The following RFX6 variants were observed in gnomAD, a reference collection of about 807,000 sequenced individuals.
The protein encoded by RFX6 is DNA-binding protein RFX6.
RFX6 carries 50 observed loss-of-function variants against 110.8 expected under a neutral mutation model. The observed-to-expected ratio is 0.45, with a 90% CI of 0.36 to 0.57. RFX6 has a LOEUF of 0.57. Ranked by LOEUF, RFX6 falls within the 20% of genes least tolerant of loss-of-function variation. The pLI is 0.00. For missense variants in RFX6, 990 were observed against 1,127.0 expected, an observed-to-expected ratio of 0.88 and a Z score of 1.74; for synonymous variants, 383 against 411.2, an observed-to-expected ratio of 0.93 and a Z score of 0.83.
chr6:116,919,359 G>A lies in RFX6; in HGVS notation c.1182+63G>A, dbSNP rs1775543520. 4 of 1,462,414 alleles carry A rather than the reference G, an allele frequency of 2.7e-6. No homozygotes were observed. The Admixed American group carries it at 5.0e-5, about 18-fold the overall frequency. 90.6% of individuals were successfully genotyped at this position (1,462,414 alleles called of 1,614,324 possible). On this transcript the variant is annotated intron_variant, in intron 11 of 18. Coordinates refer to ENST00000332958, the MANE Select transcript of RFX6 (RefSeq NM_173560.4). ...ATATAAAAAATGAATCTTCTGAGAA[G>A]GACAGATTGAGGAACTTTCATAGAT...
intron 6 of RFX6, among the ~76,000 whole-genome samples, chr6:116,909,717 T>A (rs1775290096): frequency 7.0e-6 from 1 of 142,428 alleles, no homozygotes; most frequent in African/African-American, 2.5e-5. Flanking sequence ...ATATTTTAAA[T>A]ATAAAGCTCA....
intron 11 of RFX6, 39 bp downstream of exon 11, chr6:116,919,335 T>C (rs1208483945): frequency 4.4e-6 from 7 of 1,576,624 alleles, no homozygotes; most frequent in Admixed American, 1.7e-5. Flanking sequence ...TGAGTCACCA[T>C]ATAAAAAATG....
intron 14 of RFX6, 76 bp from the exon 15 acceptor site, chr6:116,924,593 C>T: frequency 2.3e-6 from 3 of 1,283,418 alleles, no homozygotes; most frequent in Non-Finnish European, 3.4e-6. Flanking sequence ...ACTGACTTCT[C>T]TTTCCCTTTC....
At chr6:116,920,159 G>A in intron 11 of RFX6, 151 bp from the exon 12 acceptor site, 3 of 681,504 alleles carry the variant, frequency 4.4e-6, no homozygotes, top group Non-Finnish European at 7.9e-6. Context: ...AGATGATCAT[G>A]AGTCTCAGCT....
chr6:116,928,969 T>C lies in RFX6; in HGVS notation c.2609T>C (p.Leu870Pro), dbSNP rs753355176. ...CCAGTTGCATGTCGAACTCCAGTCC[T>C]AGGTAAATTATTTTAGCAGTTCTTG... ...SSPVACRTPV[L>P]ASSLQTPIPS... Residue 870 changes from leucine (L) to proline (P), a missense_variant and splice_region_variant, in exon 18 of 19, where the codon CTA becomes CCA. Around this residue, in one of 5 missense-constraint regions of RFX6, gnomAD observed 438 missense variants for 441.9 expected, o/e 0.99. Coordinates refer to ENST00000332958, the MANE Select transcript of RFX6 (RefSeq NM_173560.4). 6.3e-7 allele frequency: 1 copy of C among 1,591,628 alleles called. No individual in the cohort carries two copies. Among genetic ancestry groups the C allele is most frequent in the Non-Finnish European group, 8.6e-7 (1 of 1,159,480 alleles).
rs1467864126 is a variant in RFX6 at position 116,877,903 on chromosome 6, A to G, written c.331A>G (p.Thr111Ala). 2 of 1,614,082 alleles carry G rather than the reference A, an allele frequency of 1.2e-6. No homozygotes were observed. Among genetic ancestry groups the G allele is most frequent in the African/African-American group, 1.3e-5 (1 of 74,922 alleles). ...ATACCTGTCTCAGAAGAAAACCATC[A>G]CGCAGATTGTGAAGGATAAAAAGAA... ...DQYLSQKKTI[T>A]QIVKDKKKQT... The change falls in exon 2 of 19, where the codon ACG (threonine) becomes GCG (alanine). Residue 111 changes from threonine (T) to alanine (A), a missense_variant. Thr to Ala is a moderately conservative substitution (Grantham distance 58, BLOSUM62 0). Coordinates refer to ENST00000332958, the MANE Select transcript of RFX6 (RefSeq NM_173560.4).
chr6:116,923,348 C>A, intron 14 of RFX6, 124 bp downstream of exon 14: 1 of 719,074 alleles, frequency 1.4e-6, no homozygotes, highest in Non-Finnish European at 2.6e-6. Context: ...GAATATGGAG[C>A]TATGAGAAAA....
intron 6 of RFX6, among the ~76,000 whole-genome samples, chr6:116,902,168 T>C (rs1775089343): frequency 6.6e-6 from 1 of 152,040 alleles, no homozygotes. Context: ...AGGTAAATTT[T>C]TTAATGTTTG....
chr6:116,882,370 A>G lies in RFX6; in HGVS notation c.508A>G (p.Ile170Val), dbSNP rs780197436. The G allele has an allele frequency of 1.1e-5, 17 of 1,612,396 alleles. No homozygotes were observed. The highest frequency in any genetic ancestry group is 1.3e-5 in the Non-Finnish European group (15 of 1,178,686). Residue 170 changes from isoleucine to valine, a missense_variant, in exon 4 of 19, where the codon ATT (isoleucine) becomes GTT (valine). By Grantham distance (29) the Ile-to-Val change is conservative. This residue lies in a region of RFX6 where 243 missense variants were observed against 353.1 expected (regional missense o/e 0.69). Coordinates refer to ENST00000332958, the MANE Select transcript of RFX6 (RefSeq NM_173560.4). The stretch of plus-strand genomic sequence containing the variant: ...AAGTAATCATCTTTCTTTTTAGACA[A>G]TTCGCCAGAAGTTTCCCCTCCTAAC... ...PACAATFGKT[I>V]RQKFPLLTTR...
chr6:116,900,548 C>A (rs910372665), intron 6 of RFX6, among the ~76,000 whole-genome samples: 1 of 151,790 alleles, frequency 6.6e-6, no homozygotes, highest in Non-Finnish European at 1.5e-5. Flanking sequence ...AGCCACCGTG[C>A]CCGGCCTTGA....
Position 116,928,987 on chromosome 6 carries a change from A to G in RFX6, c.2611+16A>G. The G allele has an allele frequency of 6.5e-7, 1 of 1,531,156 alleles. No individual in the cohort carries two copies. Among genetic ancestry groups the G allele is most frequent in the Non-Finnish European group, 9.1e-7 (1 of 1,104,362 alleles). The allele number at this position is 1,531,156 out of a possible 1,614,324, so 94.8% of individuals were successfully genotyped here. Reference sequence around the variant, plus strand: ...CCAGTCCTAGGTAAATTATTTTAGCAGTTCTTGAAAACATTTTAAGAAGTT... The same window carrying G: ...CCAGTCCTAGGTAAATTATTTTAGCGGTTCTTGAAAACATTTTAAGAAGTT... On this transcript the variant is annotated intron_variant, in intron 18 of 18. Coordinates refer to ENST00000332958, the MANE Select transcript of RFX6 (RefSeq NM_173560.4).
At chr6:116,902,895 C>A (rs1349946639) in intron 6 of RFX6, among the ~76,000 whole-genome samples, 1 of 152,020 alleles carries the variant, frequency 6.6e-6, no homozygotes, top group South Asian at 2.1e-4. Flanking sequence ...TTTAATCTTT[C>A]CTCATAAATC....
Position 116,920,430 on chromosome 6 carries a change from A to C in RFX6, c.1303A>C (p.Thr435Pro), listed in dbSNP as rs759062757. The change falls in exon 12 of 19, where the codon ACT becomes CCT. Residue 435 changes from threonine (T) to proline (P), a missense_variant. This residue lies in a region of RFX6 where 45 missense variants were observed against 29.3 expected (regional missense o/e 1.53). Coordinates refer to ENST00000332958, the MANE Select transcript of RFX6 (RefSeq NM_173560.4). Reference protein sequence around the residue: ...ALLTISGSTDTESGIYTEHDS... With the variant: ...ALLTISGSTDPESGIYTEHDS... ...TCTTACCATTTCAGGCAGCACAGAC[A>C]CTGAATCTGGTATCTACACTGAACG... 6.2e-7 allele frequency: 1 copy of C among 1,613,518 alleles called. No individual in the cohort carries two copies. The highest frequency in any genetic ancestry group is 8.5e-7 in the Non-Finnish European group (1 of 1,179,546).
At chr6:116,899,090 T>C (rs339348) in intron 6 of RFX6, among the ~76,000 whole-genome samples, 123,015 of 152,056 alleles carry the variant, frequency 0.81, 49,985 homozygotes, top group East Asian at 0.89. Flanking sequence ...GTTAGAAGAT[T>C]GTAAAATTTA....
chr6:116,916,336 A>C, intron 9 of RFX6, 22 bp downstream of exon 9: 1 of 1,327,874 alleles, frequency 7.5e-7, no homozygotes, highest in Non-Finnish European at 1.1e-6. Context: ...GGGATGTCTT[A>C]AACATGAGCC....
chr6:116,902,451 G>A (rs867299689), intron 6 of RFX6, among the ~76,000 whole-genome samples: 4 of 152,002 alleles, frequency 2.6e-5, no homozygotes, highest in Non-Finnish European at 5.9e-5. Flanking sequence ...AATTGTTACT[G>A]TTTTAAAATT....
At chr6:116,890,917 A>C (rs1265944767) in intron 4 of RFX6, among the ~76,000 whole-genome samples, 1 of 152,210 alleles carries the variant, frequency 6.6e-6, no homozygotes, top group Admixed American at 6.5e-5. Flanking sequence ...ATAATCATTT[A>C]TAACAATAAG....
intron 6 of RFX6, among the ~76,000 whole-genome samples, chr6:116,901,737 T>G (rs2114679597): frequency 6.6e-6 from 1 of 152,210 alleles, no homozygotes; most frequent in South Asian, 2.1e-4. Context: ...CTAAAATGTC[T>G]AAAGACACAC....
chr6:116,880,475 T>C, intron 2 of RFX6, 69 bp from the exon 3 acceptor site: 1 of 1,450,504 alleles, frequency 6.9e-7, no homozygotes, highest in East Asian at 2.3e-5. Context: ...AAATGGGTAA[T>C]AAGTCAATGA....
Sources: allele counts gnomAD v4.1 joint callset (sites outside exome capture counted in the v4.1 genomes callset), GRCh38; gene constraint gnomAD v4.1.1; regional missense constraint gnomAD v4.1.1; transcripts MANE v1.5; gene names NCBI Gene and HGNC (gene_info 2026-07-23, HGNC 2026-07-21).